The following UBR1 variants were observed in gnomAD, a reference collection of about 807,000 sequenced individuals.
The protein encoded by UBR1 is E3 ubiquitin-protein ligase UBR1.
A neutral mutation model predicts 242.1 loss-of-function variants in UBR1; 102 were observed. That is an observed-to-expected ratio of 0.42 (90% CI 0.36 to 0.50). UBR1 has a LOEUF of 0.50. Ranked by LOEUF, UBR1 falls within the 20% of genes least tolerant of loss-of-function variation. The pLI is 0.01. For synonymous variants in UBR1, 675 were observed against 684.8 expected, an observed-to-expected ratio of 0.99 and a Z score of 0.22; for missense variants, 1,772 against 2,101.8, an observed-to-expected ratio of 0.84 and a Z score of 3.07.
At chr15:43,023,292 T>C (rs2033134215) in intron 25 of UBR1, among the ~76,000 whole-genome samples, 2 of 152,028 alleles carry the variant, frequency 1.3e-5, no homozygotes, top group African/African-American at 4.8e-5. Context: ...AATACACATA[T>C]GAAAAATGTT....
intron 1 of UBR1, among the ~76,000 whole-genome samples, chr15:43,102,711 C>T (rs1414262197): frequency 1.3e-5 from 2 of 152,226 alleles, no homozygotes; most frequent in South Asian, 2.1e-4. Context: ...TGCCATCACA[C>T]TACTCTCACC....
chr15:43,046,064 G>A (rs2033481574), intron 14 of UBR1, among the ~76,000 whole-genome samples: 1 of 152,224 alleles, frequency 6.6e-6, no homozygotes, highest in Non-Finnish European at 1.5e-5. Flanking sequence ...AAGCCAGACT[G>A]TAAAGAAGTG....
chr15:43,055,074 G>GA (rs2033600469), intron 11 of UBR1, among the ~76,000 whole-genome samples, 175 bp from the exon 12 acceptor site: 1 of 152,100 alleles, frequency 6.6e-6, no homozygotes, highest in African/African-American at 2.4e-5. Flanking sequence ...TTTTCTAAAA[G>GA]AAAAAATTCC....
chr15:43,054,601 G>A, intron 12 of UBR1, 141 bp downstream of exon 12: 1 of 930,370 alleles, frequency 1.1e-6, no homozygotes, highest in African/African-American at 1.6e-5. Flanking sequence ...TTAACGCGAG[G>A]CAGTAACAGT....
chr15:43,060,919 C>T lies in UBR1; in HGVS notation c.799-805G>A, dbSNP rs1447097704. ...CCAAATATATTTGGACTACTAATTA[C>T]ACCAGTAAGGTTGCCATTACAGAAA... On this transcript the variant is annotated intron_variant, in intron 6 of 46. Transcript: ENST00000290650. Among the ~76,000 whole-genome samples the T allele has an allele frequency of 2.8e-5, 4 of 143,998 alleles. No individual in the cohort carries two copies. In the South Asian group the frequency reaches 9.0e-4, roughly 32 times the overall value. The allele number at this position is 143,998 out of a possible 152,430, so 94.5% of individuals were successfully genotyped here.
At chr15:43,039,904 G>T (rs1001677201) in intron 15 of UBR1, among the ~76,000 whole-genome samples, 7 of 152,052 alleles carry the variant, frequency 4.6e-5, no homozygotes, top group African/African-American at 1.4e-4. Context: ...GTTGAATTTT[G>T]TCAAAGGCCT....
intron 29 of UBR1, among the ~76,000 whole-genome samples, chr15:43,013,746 T>C (rs1217613956): frequency 6.6e-6 from 1 of 152,238 alleles, no homozygotes; most frequent in Non-Finnish European, 1.5e-5. Context: ...GTCTTCACTC[T>C]GACCTTTCTA....
At chr15:43,007,347 T>C in intron 29 of UBR1, 63 bp from the exon 30 acceptor site, 3 of 1,493,978 alleles carry the variant, frequency 2.0e-6, no homozygotes, top group Admixed American at 3.6e-5. Context: ...CATATTTTGG[T>C]AGATTTTAAG....
rs2032421275 is a variant in UBR1, at chr15:42,983,931, G to C, written c.4116C>G (p.Val1372=). The change falls in exon 37 of 47, where the codon GTC becomes GTG. Residue 1372 remains valine, a synonymous_variant. Coordinates refer to ENST00000290650, the MANE Select transcript of UBR1 (RefSeq NM_174916.3). ...AVAQRITCPQ[V]LIQKHLVRLL... ...GACGAACCAGATGTTTCTGTATCAG[G>C]ACCTGAGGACAGGTAATCCTCTGTG... 6.2e-7 allele frequency: 1 copy of C among 1,613,078 alleles called. No individual in the cohort carries two copies. The highest frequency in any genetic ancestry group is 1.3e-5 in the African/African-American group (1 of 74,878).
intron 29 of UBR1, among the ~76,000 whole-genome samples, chr15:43,009,001 G>A (rs769101278): frequency 2.6e-5 from 4 of 152,190 alleles, no homozygotes; most frequent in Admixed American, 6.5e-5. Context: ...CCAGTTGTCC[G>A]TGTACCTCAT....
In UBR1 at chr15:43,002,647, G is replaced by A. The variant is rs1304346800; in HGVS notation, c.3567C>T (p.Asp1189=). Residue 1189 remains aspartate, a synonymous_variant, in exon 32 of 47, where the codon GAC becomes GAT. Transcript: ENST00000290650. ...SQQRIHVDLF[D]LESGEYLCPL... is the part of the protein sequence containing the mutation. Reference sequence around the variant, plus strand: ...GGCAAAGATATTCTCCACTTTCCAAGTCAAAAAGGTCAACATGAATGCGCT... The same window carrying A: ...GGCAAAGATATTCTCCACTTTCCAAATCAAAAAGGTCAACATGAATGCGCT... 2 of 1,614,190 alleles carry A rather than the reference G, an allele frequency of 1.2e-6. No homozygotes were observed. The highest frequency in any genetic ancestry group is 1.7e-6 in the Non-Finnish European group (2 of 1,180,040).
At chr15:43,099,011 T>C (rs2034194049) in intron 1 of UBR1, among the ~76,000 whole-genome samples, 1 of 152,178 alleles carries the variant, frequency 6.6e-6, no homozygotes, top group Non-Finnish European at 1.5e-5. Flanking sequence ...CTCACTTCTA[T>C]ATTGAAGTCA....
At chr15:43,018,201 C>T (rs184964148) in intron 27 of UBR1, among the ~76,000 whole-genome samples, 90 of 152,122 alleles carry the variant, frequency 5.9e-4, no homozygotes, top group African/African-American at 2.1e-3. Context: ...CGGGGTTTCA[C>T]CATGTTAGCC....
intron 40 of UBR1, among the ~76,000 whole-genome samples, chr15:42,967,469 T>A (rs983748300): frequency 2.0e-5 from 3 of 149,738 alleles, no homozygotes; most frequent in African/African-American, 7.4e-5. Flanking sequence ...AGAAAAAAAA[T>A]TTATCAATAA....
At chr15:43,018,826 A>T (rs2033064767) in intron 27 of UBR1, among the ~76,000 whole-genome samples, 1 of 152,216 alleles carries the variant, frequency 6.6e-6, no homozygotes, top group African/African-American at 2.4e-5. Flanking sequence ...TGTGCTTTTC[A>T]GATATTTTGA....
chr15:43,091,736 A>C (rs1024779673), intron 1 of UBR1, among the ~76,000 whole-genome samples: 5 of 151,864 alleles, frequency 3.3e-5, no homozygotes, highest in African/African-American at 1.2e-4. Flanking sequence ...GTTTGAGACC[A>C]GCCTAGGCAA....
At chr15:43,104,712 A>G (rs1032555657) in intron 1 of UBR1, among the ~76,000 whole-genome samples, 1 of 151,908 alleles carries the variant, frequency 6.6e-6, no homozygotes, top group African/African-American at 2.4e-5. Context: ...AAAAAAAAAA[A>G]CAAAAAACCT....
At chr15:42,973,892 T>G (rs2032246024) in intron 39 of UBR1, among the ~76,000 whole-genome samples, 3 of 146,346 alleles carry the variant, frequency 2.0e-5, no homozygotes, top group South Asian at 2.3e-4. Context: ...GGAGTTTTTT[T>G]TTTTTTTTTT....
chr15:42,990,705 C>A (rs1475958356), intron 33 of UBR1, among the ~76,000 whole-genome samples: 1 of 152,168 alleles, frequency 6.6e-6, no homozygotes, highest in African/African-American at 2.4e-5. Context: ...CTTTCTATAA[C>A]AGTAACTTTC....
Sources: allele counts gnomAD v4.1 joint callset (sites outside exome capture counted in the v4.1 genomes callset), GRCh38; gene constraint gnomAD v4.1.1; transcripts MANE v1.5; gene names NCBI Gene and HGNC (gene_info 2026-07-23, HGNC 2026-07-21).